ARID5B: variants seen among roughly 807,000 people sequenced by gnomAD.
ARID5B encodes the protein AT-rich interactive domain-containing protein 5B.
Under a neutral mutation model 97.2 loss-of-function variants are expected in ARID5B, and 13 were observed. The ratio of observed to expected loss-of-function variants is 0.13; its 90% CI spans 0.09 to 0.21. The LOEUF is 0.21. Among genes scored for constraint, ARID5B ranks in the 10% least tolerant of loss-of-function variants. The probability of loss-of-function intolerance (pLI) is 1.00; values close to 1 mark genes in which losing one functional copy is unlikely to be tolerated. For missense variants in ARID5B, 1,210 were observed against 1,465.3 expected (o/e 0.83, Z 2.84); for synonymous variants, 556 against 570.3 (o/e 0.97, Z 0.36).
chr10:61,982,299 A>G (rs1328565234), intron 3 of ARID5B, among the ~76,000 whole-genome samples: 1 of 152,162 alleles, frequency 6.6e-6, no homozygotes, highest in Non-Finnish European at 1.5e-5. Flanking sequence ...ACACCCCAGA[A>G]CCGAGCTAGA....
rs762796068 is a variant in ARID5B at position 61,940,393 on chromosome 10, G to C, written c.487G>C (p.Glu163Gln). Residue 163 changes from glutamate (E) to glutamine (Q), a missense_variant, in exon 3 of 10, where the codon GAG (glutamate) becomes CAG (glutamine). Physicochemically the swap from Glu to Gln is conservative, Grantham distance 29 (BLOSUM62 2). Coordinates refer to ENST00000279873, the MANE Select transcript of ARID5B (RefSeq NM_032199.3). ...SGLNFKDVLK[E>Q]KADLGEDEEE... is the part of the protein sequence containing the mutation. The stretch of plus-strand genomic sequence containing the variant: ...ACTCAACTTCAAAGACGTTCTCAAG[G>C]AGAAGGCAGACCTGGGTAAATATGA... The C allele has an allele frequency of 1.2e-6, 2 of 1,613,388 alleles. No individual in the cohort carries two copies. The highest frequency in any genetic ancestry group is 4.5e-5 in the East Asian group (2 of 44,866).
intron 2 of ARID5B, among the ~76,000 whole-genome samples, chr10:61,919,017 G>A (rs773278300): frequency 8.2e-5 from 12 of 146,868 alleles, no homozygotes; most frequent in African/African-American, 2.5e-4. Flanking sequence ...TCCAGTCTGC[G>A]TGACAGAGCC....
At chr10:61,953,594 C>T (rs746695262) in intron 3 of ARID5B, among the ~76,000 whole-genome samples, 14 of 152,142 alleles carry the variant, frequency 9.2e-5, no homozygotes, top group Non-Finnish European at 1.8e-4. Context: ...CCTCAGTAGT[C>T]AGTTATGTTG....
chr10:61,957,518 C>T (rs1210057032), intron 3 of ARID5B, among the ~76,000 whole-genome samples: 1 of 152,226 alleles, frequency 6.6e-6, no homozygotes, highest in African/African-American at 2.4e-5. Flanking sequence ...ATCCACCTGC[C>T]TTAGCCTCCC....
intron 4 of ARID5B, among the ~76,000 whole-genome samples, chr10:62,013,332 T>C (rs1172775445): frequency 2.0e-5 from 3 of 152,122 alleles, no homozygotes; most frequent in Non-Finnish European, 4.4e-5. Context: ...TAGACAAAAA[T>C]TGTACATGTC....
intron 3 of ARID5B, among the ~76,000 whole-genome samples, chr10:61,948,601 C>T (rs887503242): frequency 4.6e-5 from 7 of 152,022 alleles, no homozygotes; most frequent in African/African-American, 9.7e-5. Flanking sequence ...CTCCTGACCT[C>T]GTGATCTGCC....
Position 62,091,651 on chromosome 10 carries a change from T to TC in ARID5B, c.2190dup (p.Ser731GlnfsTer12). The TC allele has an allele frequency of 6.2e-7, 1 of 1,614,084 alleles. No homozygotes were observed. On this transcript the variant is annotated frameshift_variant, in exon 10 of 10. Transcript: ENST00000279873. LOFTEE classifies it high-confidence loss of function. The stretch of plus-strand genomic sequence containing the variant: ...ACTGATTGCTAGGGATGACTTGTGT[T>TC]CCAGTTTGTCCCAGACCCACCATGG...
At chr10:61,987,192 A>G (rs1838858785) in intron 3 of ARID5B, among the ~76,000 whole-genome samples, 1 of 152,222 alleles carries the variant, frequency 6.6e-6, no homozygotes, top group Admixed American at 6.5e-5. Context: ...AGCAGAAGCC[A>G]GCCAGCCCAT....
At chr10:61,994,265 T>A (rs9414758) in intron 3 of ARID5B, among the ~76,000 whole-genome samples, 52,019 of 151,878 alleles carry the variant, frequency 0.34, 9,238 homozygotes, top group South Asian at 0.5. Flanking sequence ...AGATTTTTTT[T>A]AAAAAACTTA....
At chr10:62,056,659 A>G (rs1839860235) in intron 5 of ARID5B, among the ~76,000 whole-genome samples, 1 of 152,198 alleles carries the variant, frequency 6.6e-6, no homozygotes, top group Admixed American at 6.5e-5. Flanking sequence ...ATTGATATAG[A>G]GAGACAAAAG....
chr10:62,080,857 C>G (rs1189145788), intron 8 of ARID5B, among the ~76,000 whole-genome samples: 1 of 151,678 alleles, frequency 6.6e-6, no homozygotes, highest in Non-Finnish European at 1.5e-5. Flanking sequence ...GAGTCTCACT[C>G]TGTCACCCAG....
chr10:62,089,700 G>GT (rs1564649253), intron 9 of ARID5B, among the ~76,000 whole-genome samples: 1 of 151,748 alleles, frequency 6.6e-6, no homozygotes, highest in South Asian at 2.1e-4. Context: ...GCTAATTTTT[G>GT]TTTTTTTACT....
intron 2 of ARID5B, among the ~76,000 whole-genome samples, chr10:61,926,792 T>G (rs1004679863): frequency 6.6e-6 from 1 of 151,786 alleles, no homozygotes; most frequent in Non-Finnish European, 1.5e-5. Context: ...GGTTTTTTTG[T>G]ATTTTGTATT....
rs186937306 is a variant in ARID5B at position 61,911,298 on chromosome 10, C to T, written c.276+8885C>T. ...AGTTACACAATAGTATTCCTGAGCA[C>T]GAGTAAGATAAATTGGCTCTTTTTG... is the stretch of plus-strand genomic sequence containing the variant. On this transcript the variant is annotated intron_variant, in intron 2 of 9. Coordinates refer to ENST00000279873, the MANE Select transcript of ARID5B (RefSeq NM_032199.3). Among the ~76,000 whole-genome samples, 7 of 152,216 alleles carry T rather than the reference C, an allele frequency of 4.6e-5. No homozygotes were observed. The South Asian group carries it at 1.2e-3, about 27-fold the overall frequency.
intron 2 of ARID5B, among the ~76,000 whole-genome samples, chr10:61,913,008 C>T (rs1843836119): frequency 6.6e-6 from 1 of 152,228 alleles, no homozygotes; most frequent in South Asian, 2.1e-4. Flanking sequence ...AAAATGTTCT[C>T]ACCCATTCCT....
intron 3 of ARID5B, among the ~76,000 whole-genome samples, chr10:61,944,662 C>A (rs1844471950): frequency 6.6e-6 from 1 of 152,124 alleles, no homozygotes; most frequent in Non-Finnish European, 1.5e-5. Context: ...GTTGTTTAAG[C>A]CAAGAAAATA....
intron 3 of ARID5B, among the ~76,000 whole-genome samples, chr10:61,957,234 A>G (rs1029229475): frequency 6.6e-6 from 1 of 151,786 alleles, no homozygotes; most frequent in African/African-American, 2.4e-5. Context: ...AGCAGTATAA[A>G]TTTTTTTTTG....
At chr10:62,046,522 A>AAAAC (rs1326827428) in intron 4 of ARID5B, 1 of 152,248 alleles carries the variant, frequency 6.6e-6, no homozygotes, top group Non-Finnish European at 1.5e-5. Flanking sequence ...TTAAAAAGAA[A>AAAAC]AAACAAACAT....
chr10:61,965,238 A>G (rs1838528104), intron 3 of ARID5B, among the ~76,000 whole-genome samples: 1 of 152,184 alleles, frequency 6.6e-6, no homozygotes, highest in South Asian at 2.1e-4. Context: ...TTGAAAGAAC[A>G]TTGTATGTTC....
Sources: gnomAD v4.1 joint callset for allele counts (sites outside exome capture counted in the v4.1 genomes callset) on GRCh38, gnomAD v4.1.1 for gene constraint, MANE v1.5 for transcripts, NCBI Gene and HGNC (gene_info 2026-07-23, HGNC 2026-07-21) for gene names.